The following ACTR2 variants were observed in gnomAD, a reference collection of about 807,000 sequenced individuals.
ACTR2 encodes the protein actin-related protein 2.
ACTR2 carries 5 observed loss-of-function variants against 50.2 expected under a neutral mutation model. That is an observed-to-expected ratio of 0.10 (90% CI 0.05 to 0.21). The LOEUF (loss-of-function observed/expected upper bound fraction) is 0.21, where lower values mean the gene tolerates loss of function less well. Among genes scored for constraint, ACTR2 ranks in the 10% least tolerant of loss-of-function variants. The pLI is 1.00. For missense variants in ACTR2, 180 were observed against 480.6 expected, an observed-to-expected ratio of 0.37 and a Z score of 5.85; for synonymous variants, 140 against 162.9, an observed-to-expected ratio of 0.86 and a Z score of 1.07.
chr2:65,265,798 A>G (rs1259845280), intron 8 of ACTR2, among the ~76,000 whole-genome samples: 7 of 152,220 alleles, frequency 4.6e-5, no homozygotes, highest in Admixed American at 2.6e-4. Context: ...AGTATACAGT[A>G]TGTGCTGTAT....
chr2:65,238,856 T>C (rs1396369946), intron 1 of ACTR2, among the ~76,000 whole-genome samples: 2 of 150,756 alleles, frequency 1.3e-5, no homozygotes, highest in Admixed American at 6.6e-5. Context: ...TAATCCCAGC[T>C]ACTTGGGAGG....
At chr2:65,265,315 T>C (rs189962240) in intron 8 of ACTR2, 140 bp downstream of exon 8, 34 of 941,798 alleles carry the variant, frequency 3.6e-5, no homozygotes, top group Admixed American at 1.2e-4. Context: ...CTGGAAATGA[T>C]AGCAAGAAGG....
chr2:65,255,516 A>G, intron 5 of ACTR2, 29 bp from the exon 6 acceptor site: 4 of 1,601,490 alleles, frequency 2.5e-6, no homozygotes, highest in South Asian at 1.1e-5. Flanking sequence ...CAGATGTATT[A>G]TGAACTTATT....
At chr2:65,247,293 G>C (rs995500025) in intron 3 of ACTR2, among the ~76,000 whole-genome samples, 6 of 152,124 alleles carry the variant, frequency 3.9e-5, no homozygotes, top group African/African-American at 1.4e-4. Context: ...AGGAAATACT[G>C]TTAAGAAAAT....
At chr2:65,246,074 A>T (rs528399876) in intron 2 of ACTR2, 1 of 155,282 alleles carries the variant, frequency 6.4e-6, no homozygotes, top group South Asian at 2.0e-4. Flanking sequence ...ATTATGCTTT[A>T]TAGTACTTAC....
Position 65,239,982 on chromosome 2 carries a change from T to C in ACTR2, c.159+20T>C. The C allele has an allele frequency of 6.9e-7, 1 of 1,456,376 alleles. No individual in the cohort carries two copies. Among genetic ancestry groups the C allele is most frequent in the Non-Finnish European group, 9.6e-7 (1 of 1,038,306 alleles). The allele number at this position is 1,456,376 out of a possible 1,614,324, so 90.2% of individuals were successfully genotyped here. ...ATCAAGGTAATATTTTATTTATTGA[T>C]AAATGATAATCAAGACATGTGAGGT... On this transcript the variant is annotated intron_variant, in intron 2 of 8. Coordinates refer to ENST00000260641, the MANE Select transcript of ACTR2 (RefSeq NM_005722.4).
At chr2:65,263,486 C>T (rs1480894193) in intron 7 of ACTR2, among the ~76,000 whole-genome samples, 2 of 152,112 alleles carry the variant, frequency 1.3e-5, no homozygotes, top group Non-Finnish European at 2.9e-5. Context: ...GGAATTCACC[C>T]AGAAGCATTT....
chr2:65,233,158 C>G (rs757698417), intron 1 of ACTR2, among the ~76,000 whole-genome samples: 1 of 152,024 alleles, frequency 6.6e-6, no homozygotes, highest in Non-Finnish European at 1.5e-5. Flanking sequence ...CCACGCCAGG[C>G]TAATTTTTGT....
intron 6 of ACTR2, 140 bp downstream of exon 6, chr2:65,255,834 C>A: frequency 1.7e-6 from 1 of 593,696 alleles, no homozygotes; most frequent in Non-Finnish European, 2.7e-6. Flanking sequence ...CTTTTAATGT[C>A]TCTTTCTACA....
At chr2:65,264,898 A>G (rs903077102) in intron 7 of ACTR2, 145 bp from the exon 8 acceptor site, 27 of 878,586 alleles carry the variant, frequency 3.1e-5, no homozygotes, top group Admixed American at 1.4e-4. Context: ...AGTAGTAATA[A>G]CAGCAAATAT....
rs116338065 is a variant in ACTR2, at chr2:65,237,540, C to T, written c.49-2312C>T. Among the ~76,000 whole-genome samples, 1,225 of 152,148 alleles carry T rather than the reference C, an allele frequency of 8.1e-3. 19 individuals carry two copies. Among genetic ancestry groups the T allele is most frequent in the African/African-American group, 0.024 (1,000 of 41,520 alleles). ...TACAGGTGTGAGCCACTGGGCCCAG[C>T]GTAAACAGACTATACAAGAATTTGT... On this transcript the variant is annotated intron_variant, in intron 1 of 8. Transcript: ENST00000260641.
At chr2:65,235,494 C>T (rs757163928) in intron 1 of ACTR2, among the ~76,000 whole-genome samples, 2 of 152,182 alleles carry the variant, frequency 1.3e-5, no homozygotes, top group Non-Finnish European at 2.9e-5. Flanking sequence ...CCGTGGCTCA[C>T]GCCTGTAATC....
In ACTR2 at chr2:65,261,397, A is replaced by G; in HGVS notation, c.881+5A>G. ...GGCAGCTGACATTGATACCAGGTAC[A>G]TTAGAAGTGGTGATTTCAAAGTTAT... On this transcript the variant is annotated splice_donor_5th_base_variant and intron_variant, in intron 7 of 8. Coordinates refer to ENST00000260641, the MANE Select transcript of ACTR2 (RefSeq NM_005722.4). The G allele has an allele frequency of 1.2e-6, 2 of 1,605,188 alleles. No homozygotes were observed. Among genetic ancestry groups the G allele is most frequent in the Non-Finnish European group, 1.7e-6 (2 of 1,176,800 alleles).
chr2:65,244,096 T>C (rs999130811), intron 2 of ACTR2, among the ~76,000 whole-genome samples: 1 of 152,234 alleles, frequency 6.6e-6, no homozygotes, highest in African/African-American at 2.4e-5. Flanking sequence ...ATTCCAAACA[T>C]TTCTTTCAGT....
chr2:65,236,069 G>C (rs1671733284), intron 1 of ACTR2, among the ~76,000 whole-genome samples: 1 of 152,132 alleles, frequency 6.6e-6, no homozygotes, highest in South Asian at 2.1e-4. Context: ...AAAAGACTAA[G>C]TGGGGCCGGG....
chr2:65,255,887 A>G (rs1391978793), intron 6 of ACTR2, among the ~76,000 whole-genome samples, 193 bp downstream of exon 6: 1 of 152,196 alleles, frequency 6.6e-6, no homozygotes, highest in Non-Finnish European at 1.5e-5. Context: ...TATAATGCAA[A>G]TTAAGGCAAG....
At chr2:65,242,734 T>C (rs1369997436) in intron 2 of ACTR2, 1 of 443,856 alleles carries the variant, frequency 2.3e-6, no homozygotes, top group Non-Finnish European at 4.5e-6. Flanking sequence ...GCTGGTCTTA[T>C]CTCAGACATT....
chr2:65,242,288 A>G (rs1175926965), intron 2 of ACTR2, among the ~76,000 whole-genome samples: 1 of 152,198 alleles, frequency 6.6e-6, no homozygotes, highest in African/African-American at 2.4e-5. Flanking sequence ...ACTAATTACT[A>G]ACATAGTTTT....
At chr2:65,261,167 T>A in intron 6 of ACTR2, 80 bp from the exon 7 acceptor site, 1 of 1,431,176 alleles carries the variant, frequency 7.0e-7, no homozygotes, top group Non-Finnish European at 9.7e-7. Context: ...ACAGATGTAT[T>A]TATAAGTACT....
Sources: allele counts gnomAD v4.1 joint callset (sites outside exome capture counted in the v4.1 genomes callset), GRCh38; gene constraint gnomAD v4.1.1; transcripts MANE v1.5; gene names NCBI Gene and HGNC (gene_info 2026-07-23, HGNC 2026-07-21).